FAM216A: variants seen among roughly 807,000 people sequenced by gnomAD.
The protein encoded by FAM216A is family with sequence similarity 216 member A.
A neutral mutation model predicts 37.6 loss-of-function variants in FAM216A; 26 were observed. That is an observed-to-expected ratio of 0.69 (90% CI 0.51 to 0.96). The LOEUF is 0.96. Among genes scored for constraint, FAM216A ranks in the 40% least tolerant of loss-of-function variants. The pLI, the probability that FAM216A is intolerant of heterozygous loss-of-function variation, is 0.00. For missense variants in FAM216A, 326 were observed against 339.3 expected, an observed-to-expected ratio of 0.96 and a Z score of 0.31; for synonymous variants, 110 against 121.7, an observed-to-expected ratio of 0.90 and a Z score of 0.64.
intron 1 of FAM216A, among the ~76,000 whole-genome samples, chr12:110,472,467 G>A (rs2062691975): frequency 6.6e-6 from 1 of 151,978 alleles, no homozygotes; most frequent in African/African-American, 2.4e-5. Context: ...CTTGGTGGCT[G>A]AGGATCGTTT....
At chr12:110,475,327 G>A (rs767554842) in intron 2 of FAM216A, among the ~76,000 whole-genome samples, 2 of 151,986 alleles carry the variant, frequency 1.3e-5, no homozygotes, top group African/African-American at 2.4e-5. Context: ...TTGCAACCTC[G>A]GTCTCCCAGG....
upstream of FAM216A, chr12:110,468,675 G>GGTGCAAAC: frequency 6.5e-7 from 1 of 1,533,898 alleles, no homozygotes; most frequent in Non-Finnish European, 8.7e-7. Flanking sequence ...TCCACAGAGA[G>GGTGCAAAC]GTGCAAACGT....
rs774376729 is a variant in FAM216A, at chr12:110,486,381, T to C, written c.363T>C (p.Tyr121=). The change falls in exon 4 of 7, where the codon TAT becomes TAC. Residue 121 remains tyrosine, a synonymous_variant. Coordinates refer to ENST00000377673, the MANE Select transcript of FAM216A (RefSeq NM_013300.3). The stretch of plus-strand genomic sequence containing the variant: ...ACCTGTGCAGCATTGCTAAAATCTA[T>C]AATGCAAACTATCTGAAGATGTTAA... ...KRYLCSIAKI[Y]NANYLKMLMK... 2.2e-5 allele frequency: 36 copies of C among 1,613,964 alleles called. No homozygotes were observed. The highest frequency in any genetic ancestry group is 4.5e-5 in the East Asian group (2 of 44,902).
At chr12:110,473,598 T>C (rs1402998097) in intron 2 of FAM216A, among the ~76,000 whole-genome samples, 1 of 152,238 alleles carries the variant, frequency 6.6e-6, no homozygotes, top group Non-Finnish European at 1.5e-5. Context: ...AGGTTTTTCT[T>C]GTCTGTTGGT....
At chr12:110,477,521 T>G (rs112545905) in intron 2 of FAM216A, among the ~76,000 whole-genome samples, 2 of 150,160 alleles carry the variant, frequency 1.3e-5, no homozygotes, top group Admixed American at 6.7e-5. Flanking sequence ...CTCGCCTAAT[T>G]TTTTTGTATT....
intron 5 of FAM216A, 163 bp downstream of exon 5, chr12:110,486,880 C>A: frequency 3.1e-6 from 2 of 637,898 alleles, no homozygotes; most frequent in Non-Finnish European, 5.3e-6. Context: ...CTCAGACTCC[C>A]AAGTAGCTAG....
In FAM216A at chr12:110,485,080, A is replaced by G. The variant is rs2062769493; in HGVS notation, c.187A>G (p.Arg63Gly). ...SCYQNSKGSD[R>G]IKDGYKVNSH... ...TCACATGATGTCTTTGCCTACAGAT[A>G]GAATCAAAGATGGATACAAAGTGAA... The change falls in exon 3 of 7, where the codon AGA becomes GGA. Residue 63 changes from arginine (R) to glycine (G), a missense_variant and splice_region_variant. Transcript: ENST00000377673. 1 of 1,602,394 alleles carries G rather than the reference A, an allele frequency of 6.2e-7. No individual in the cohort carries two copies. Among genetic ancestry groups the G allele is most frequent in the Non-Finnish European group, 8.5e-7 (1 of 1,177,152 alleles).
intron 1 of FAM216A, 108 bp downstream of exon 1, chr12:110,469,126 G>C (rs557246690): frequency 1.6e-6 from 2 of 1,265,218 alleles, no homozygotes; most frequent in Non-Finnish European, 1.0e-6. Flanking sequence ...CTCTCGTCTC[G>C]GGGGCTGGCC....
intron 2 of FAM216A, among the ~76,000 whole-genome samples, chr12:110,484,399 C>T (rs1397929602): frequency 8.2e-6 from 1 of 121,230 alleles, no homozygotes; most frequent in East Asian, 2.9e-4. Context: ...TGCACTCCAG[C>T]CTGGGGGACA....
At chr12:110,488,423 A>G (rs1009752066) in intron 6 of FAM216A, among the ~76,000 whole-genome samples, 4 of 151,626 alleles carry the variant, frequency 2.6e-5, no homozygotes, top group Non-Finnish European at 4.4e-5. Context: ...AAAAAAAAAA[A>G]AAAAGAAAAG....
intron 1 of FAM216A, among the ~76,000 whole-genome samples, chr12:110,469,463 G>C (rs2135536859): frequency 6.6e-6 from 1 of 152,288 alleles, no homozygotes; most frequent in Admixed American, 6.5e-5. Flanking sequence ...AGTGACATGA[G>C]CCACCTTCCT....
intron 2 of FAM216A, among the ~76,000 whole-genome samples, chr12:110,476,862 G>A (rs1025484245): frequency 6.6e-6 from 1 of 151,790 alleles, no homozygotes. Flanking sequence ...GGCCTGTGGG[G>A]TTTTGTTTGT....
In FAM216A at chr12:110,490,287, T is replaced by A; in HGVS notation, c.*150T>A. The A allele has an allele frequency of 1.5e-6, 1 of 669,888 alleles. No homozygotes were observed. 41.5% of individuals were successfully genotyped at this position (669,888 alleles called of 1,614,324 possible). A position where few individuals can be genotyped will look rare whatever the true frequency, so the allele number is the denominator to read the frequency against. On this transcript the variant is annotated 3_prime_UTR_variant, in exon 7 of 7. Coordinates refer to ENST00000377673, the MANE Select transcript of FAM216A (RefSeq NM_013300.3). ...ACTTAAAACAATGTAATTGGTCTGA[T>A]GTAGTTCCATGTACCAATGATAGTT...
chr12:110,479,316 T>C (rs187494864), intron 2 of FAM216A, among the ~76,000 whole-genome samples: 47 of 152,244 alleles, frequency 3.1e-4, no homozygotes, highest in African/African-American at 1.1e-3. Flanking sequence ...CATTTACCTG[T>C]GAGCACATAC....
chr12:110,488,060 TTTTA>T (rs2062786725), intron 6 of FAM216A, 117 bp downstream of exon 6: 2 of 670,762 alleles, frequency 3.0e-6, no homozygotes, highest in African/African-American at 1.9e-5. Flanking sequence ...TATGATTTGC[TTTTA>T]TTGTCACAAA....
At chr12:110,471,414 T>C (rs1394670545) in intron 1 of FAM216A, among the ~76,000 whole-genome samples, 1 of 152,182 alleles carries the variant, frequency 6.6e-6, no homozygotes, top group Non-Finnish European at 1.5e-5. Flanking sequence ...TCAGGTTTAT[T>C]GAGGCATAAT....
At chr12:110,478,085 C>A (rs557625147) in intron 2 of FAM216A, among the ~76,000 whole-genome samples, 1 of 152,244 alleles carries the variant, frequency 6.6e-6, no homozygotes, top group South Asian at 2.1e-4. Flanking sequence ...CTTTCTCTAC[C>A]ATTTTTCAAT....
rs1015345985 is a variant in FAM216A, at chr12:110,472,620, T to A, written c.144-458T>A. 4.0e-5 allele frequency among the ~76,000 whole-genome samples: 6 copies of A among 151,808 alleles called. No homozygotes were observed. In the East Asian group the frequency reaches 9.6e-4, roughly 24 times the overall value. ...ATTTAACCAGAATTATAGGAAAAAA[T>A]TTGTAAGACATTATTTCTGATGGAA... On this transcript the variant is annotated intron_variant, in intron 1 of 6. Transcript: ENST00000377673.
At chr12:110,479,815 C>T (rs566469817) in intron 2 of FAM216A, among the ~76,000 whole-genome samples, 103 of 150,400 alleles carry the variant, frequency 6.8e-4, no homozygotes, top group African/African-American at 2.4e-3. Context: ...TCCAGCCTGG[C>T]GACAGAGCAA....
Sources: allele counts gnomAD v4.1 joint callset (sites outside exome capture counted in the v4.1 genomes callset), GRCh38; gene constraint gnomAD v4.1.1; transcripts MANE v1.5; gene names NCBI Gene and HGNC (gene_info 2026-07-23, HGNC 2026-07-21).